The following PDE4D variants were observed in gnomAD, a reference collection of about 807,000 sequenced individuals.
PDE4D encodes 3',5'-cyclic-AMP phosphodiesterase 4D.
Under a neutral mutation model 87.4 loss-of-function variants are expected in PDE4D, and 24 were observed. That is an observed-to-expected ratio of 0.27 (90% CI 0.20 to 0.39). The LOEUF is 0.39. Ranked by LOEUF, PDE4D falls within the 10% of genes least tolerant of loss-of-function variation. The pLI is 1.00. For missense variants in PDE4D, 714 were observed against 1,041.0 expected (o/e 0.69, Z 4.32); for synonymous variants, 384 against 383.2 (o/e 1.00, Z -0.02).
intron 1 of PDE4D, among the ~76,000 whole-genome samples, chr5:59,509,630 T>C (rs1458894837): frequency 6.6e-6 from 1 of 151,180 alleles, no homozygotes; most frequent in African/African-American, 2.4e-5. Flanking sequence ...AGTTACATAT[T>C]TGGAAAATTT....
In PDE4D at chr5:59,882,888, G is replaced by A. The variant is rs568494338; in HGVS notation, c.455+10280C>T. ...TGCCTCCCAGGGTCAAGCAATTCTC[G>A]TGTCTCAGCCTCTTGAGTAGCTGGG... On this transcript the variant is annotated intron_variant, in intron 1 of 14. Coordinates refer to ENST00000340635, the MANE Select transcript of PDE4D (RefSeq NM_001104631.2). 5.3e-5 allele frequency among the ~76,000 whole-genome samples: 8 copies of A among 151,652 alleles called. No homozygotes were observed. The South Asian group carries it at 8.3e-4, about 16-fold the overall frequency.
chr5:59,889,099 G>A (rs1199579255), intron 1 of PDE4D, among the ~76,000 whole-genome samples: 6 of 151,550 alleles, frequency 4.0e-5, no homozygotes, highest in African/African-American at 1.5e-4. Context: ...GTGGCGGCTC[G>A]TGCCCGTAGT....
intron 2 of PDE4D, among the ~76,000 whole-genome samples, chr5:59,204,757 G>A (rs1250871614): frequency 6.6e-6 from 1 of 152,132 alleles, no homozygotes; most frequent in Non-Finnish European, 1.5e-5. Flanking sequence ...TTATCTTATT[G>A]GCAGGCTTGT....
intron 1 of PDE4D, among the ~76,000 whole-genome samples, chr5:59,390,803 A>C (rs959034743): frequency 6.6e-6 from 1 of 152,132 alleles, no homozygotes; most frequent in Non-Finnish European, 1.5e-5. Flanking sequence ...ATGCCATCCC[A>C]AAATAAAATG....
intron 1 of PDE4D, among the ~76,000 whole-genome samples, chr5:59,612,813 A>G (rs1266921760): frequency 6.6e-6 from 1 of 152,186 alleles, no homozygotes; most frequent in Non-Finnish European, 1.5e-5. Flanking sequence ...AGGACTTGAG[A>G]ACATGAAGTA....
chr5:59,074,025 T>C (rs1765292029), intron 5 of PDE4D, among the ~76,000 whole-genome samples: 1 of 152,194 alleles, frequency 6.6e-6, no homozygotes. Context: ...TACCTTCTTA[T>C]TATATAATTC....
Position 59,363,525 on chromosome 5 carries a change from A to C in PDE4D, c.456-147557T>G, listed in dbSNP as rs557042431. Reference sequence around the variant, plus strand: ...GTCAGGTCACCTTCCTTGAAGAATTAAATCATAAGAGAAGTTTTGAACTTT... The same window carrying C: ...GTCAGGTCACCTTCCTTGAAGAATTCAATCATAAGAGAAGTTTTGAACTTT... On this transcript the variant is annotated intron_variant, in intron 1 of 14. Transcript: ENST00000340635. Among the ~76,000 whole-genome samples the C allele has an allele frequency of 2.6e-5, 4 of 152,338 alleles. No homozygotes were observed. The South Asian group carries it at 8.3e-4, about 32-fold the overall frequency.
intron 1 of PDE4D, among the ~76,000 whole-genome samples, chr5:60,198,774 C>T (rs531473235): frequency 1.5e-4 from 22 of 151,608 alleles, no homozygotes; most frequent in African/African-American, 4.8e-4. Context: ...ATTGTATAAC[C>T]TGGTGGCATA....
At chr5:60,206,670 G>A (rs1289464196) in intron 1 of PDE4D, among the ~76,000 whole-genome samples, 1 of 152,196 alleles carries the variant, frequency 6.6e-6, no homozygotes, top group Non-Finnish European at 1.5e-5. Flanking sequence ...CAGATTGGAA[G>A]GATCTGCTGC....
intron 2 of PDE4D, among the ~76,000 whole-genome samples, chr5:60,173,250 G>GT (rs1562182113): frequency 7.3e-4 from 4 of 5,474 alleles, no homozygotes; most frequent in Non-Finnish European, 1.1e-3. Context: ...TACTAGTTGT[G>GT]CATCTTGGCT....
intron 1 of PDE4D, among the ~76,000 whole-genome samples, chr5:59,495,191 C>A (rs1806940164): frequency 1.3e-5 from 2 of 152,134 alleles, no homozygotes; most frequent in Non-Finnish European, 2.9e-5. Context: ...TGAAGTCGGG[C>A]TTTCTCCTGA....
chr5:59,884,000 T>C (rs965647150), intron 1 of PDE4D, among the ~76,000 whole-genome samples: 1 of 152,134 alleles, frequency 6.6e-6, no homozygotes, highest in African/African-American at 2.4e-5. Context: ...AATATTGTTT[T>C]ACAAAAGGAG....
chr5:60,159,069 T>A (rs1782250400), intron 2 of PDE4D, among the ~76,000 whole-genome samples: 1 of 152,226 alleles, frequency 6.6e-6, no homozygotes, highest in Non-Finnish European at 1.5e-5. Context: ...AAGTTTTTTC[T>A]AGCTTTTTAA....
intron 1 of PDE4D, among the ~76,000 whole-genome samples, chr5:59,425,552 C>T (rs1347260439): frequency 6.6e-6 from 1 of 151,996 alleles, no homozygotes; most frequent in African/African-American, 2.4e-5. Context: ...ATCACTACAC[C>T]CCTCAATAAT....
chr5:59,500,378 G>A (rs1211169538), intron 1 of PDE4D, among the ~76,000 whole-genome samples: 2 of 152,090 alleles, frequency 1.3e-5, no homozygotes, highest in Admixed American at 1.3e-4. Context: ...ATGGTGGGCT[G>A]GATAAAGAAA....
intron 1 of PDE4D, among the ~76,000 whole-genome samples, chr5:60,444,814 T>C (rs558287778): frequency 2.9e-4 from 44 of 151,468 alleles, no homozygotes; most frequent in African/African-American, 7.3e-4. Context: ...TGACAAGCCG[T>C]TCTGGGGGGT....
intron 1 of PDE4D, among the ~76,000 whole-genome samples, chr5:59,572,143 G>A (rs968556846): frequency 1.3e-5 from 2 of 152,106 alleles, no homozygotes; most frequent in South Asian, 4.1e-4. Context: ...AAATGTCCAC[G>A]TATAGACTCA....
At chr5:59,123,794 T>G (rs62356723) in intron 5 of PDE4D, among the ~76,000 whole-genome samples, 15 of 152,218 alleles carry the variant, frequency 9.9e-5, no homozygotes, top group African/African-American at 3.6e-4. Context: ...TGAGGCAGCA[T>G]AGCATAACAC....
chr5:59,090,511 T>C (rs944431346), intron 5 of PDE4D, among the ~76,000 whole-genome samples: 2 of 152,144 alleles, frequency 1.3e-5, no homozygotes, highest in African/African-American at 2.4e-5. Flanking sequence ...GCTGTAAAGC[T>C]CTTTGCACTG....
Sources: allele counts gnomAD v4.1 joint callset (sites outside exome capture counted in the v4.1 genomes callset), GRCh38; gene constraint gnomAD v4.1.1; transcripts MANE v1.5; gene names NCBI Gene and HGNC (gene_info 2026-07-23, HGNC 2026-07-21).